The following UBE2R2 variants were observed in gnomAD, a reference collection of about 807,000 sequenced individuals.
UBE2R2 encodes ubiquitin-conjugating enzyme E2 R2.
Under a neutral mutation model 27.8 loss-of-function variants are expected in UBE2R2, and 1 was observed. The observed-to-expected ratio is 0.04, with a 90% confidence interval of 0.01 to 0.17. UBE2R2 has a LOEUF of 0.17. UBE2R2 is among the 10% of genes least tolerant of loss of function. UBE2R2 has a pLI of 1.00. For synonymous variants in UBE2R2, 106 were observed against 113.3 expected (o/e 0.94, Z 0.41); for missense variants, 100 against 291.0 (o/e 0.34, Z 4.78).
intron 1 of UBE2R2, among the ~76,000 whole-genome samples, chr9:33,880,834 C>G (rs1439090087): frequency 1.3e-5 from 2 of 152,100 alleles, no homozygotes; most frequent in Non-Finnish European, 2.9e-5. Flanking sequence ...TTGAGTGTTC[C>G]TTATGAGAAT....
At chr9:33,906,999 G>A (rs1272893126) in intron 3 of UBE2R2, among the ~76,000 whole-genome samples, 1 of 152,168 alleles carries the variant, frequency 6.6e-6, no homozygotes, top group Non-Finnish European at 1.5e-5. Context: ...CCACTGCACT[G>A]GAGCCTGGGG....
intron 1 of UBE2R2, among the ~76,000 whole-genome samples, chr9:33,848,758 C>T (rs528997645): frequency 6.6e-6 from 1 of 151,834 alleles, no homozygotes; most frequent in South Asian, 2.1e-4. Flanking sequence ...GTGCCTGCCA[C>T]CACGCCTGGC....
intron 1 of UBE2R2, among the ~76,000 whole-genome samples, chr9:33,863,388 T>C (rs1414308603): frequency 4.6e-5 from 7 of 151,412 alleles, no homozygotes; most frequent in South Asian, 4.2e-4. Context: ...GGTGCGTGCC[T>C]GTAATCCCAG....
intron 1 of UBE2R2, among the ~76,000 whole-genome samples, chr9:33,847,588 C>T (rs12380143): frequency 0.079 from 11,992 of 152,002 alleles, 679 homozygotes; most frequent in Non-Finnish European, 0.12. Context: ...TTAGAAAATT[C>T]ATAGCCATTA....
intron 4 of UBE2R2, among the ~76,000 whole-genome samples, chr9:33,915,053 T>C (rs1290642067): frequency 6.6e-6 from 1 of 150,722 alleles, no homozygotes; most frequent in Non-Finnish European, 1.5e-5. Context: ...TTGCTTGAGC[T>C]CTGGAGCCAG....
chr9:33,916,367 A>G (rs1822642531), intron 4 of UBE2R2, among the ~76,000 whole-genome samples: 1 of 152,142 alleles, frequency 6.6e-6, no homozygotes, highest in Admixed American at 6.5e-5. Context: ...GTCGTGCAAG[A>G]CACTGGAATC....
At chr9:33,896,699 T>C (rs1029027603) in intron 2 of UBE2R2, among the ~76,000 whole-genome samples, 1 of 151,828 alleles carries the variant, frequency 6.6e-6, no homozygotes, top group African/African-American at 2.4e-5. Context: ...CTGCCCGCCT[T>C]GGCCTTCCAA....
Position 33,917,180 on chromosome 9 carries a change from G to T in UBE2R2, c.660G>T (p.Glu220Asp). The change falls in exon 5 of 5, where the codon GAG becomes GAT. Residue 220 changes from glutamate (E) to aspartate (D), a missense_variant. Glu to Asp is a conservative substitution (Grantham distance 45). Transcript: ENST00000263228. The part of the protein sequence containing the change: ...LYDDDIDDED[E>D]EEEDADCYDD... ...ATGACGACATTGATGATGAAGATGA[G>T]GAGGAGGAAGATGCCGACTGTTATG... 3 of 1,613,994 alleles carry T rather than the reference G, an allele frequency of 1.9e-6. No individual in the cohort carries two copies. The highest frequency in any genetic ancestry group is 2.5e-6 in the Non-Finnish European group (3 of 1,179,890).
chr9:33,903,708 T>TG (rs1452213892), intron 3 of UBE2R2, among the ~76,000 whole-genome samples: 1 of 152,192 alleles, frequency 6.6e-6, no homozygotes, highest in African/African-American at 2.4e-5. Context: ...CATCTGAAAC[T>TG]GCCTTTGTTA....
intron 1 of UBE2R2, among the ~76,000 whole-genome samples, chr9:33,863,003 A>G (rs1048387183): frequency 3.9e-5 from 6 of 152,078 alleles, no homozygotes; most frequent in Non-Finnish European, 8.8e-5. Context: ...CCTGGCTAAC[A>G]TGGTGAAACC....
chr9:33,816,065 C>T (rs560392849), upstream of UBE2R2, among the ~76,000 whole-genome samples: 27 of 152,168 alleles, frequency 1.8e-4, no homozygotes, highest in Non-Finnish European at 3.2e-4. Context: ...CAGAGCAAGA[C>T]CCTGTCTCAA....
intron 1 of UBE2R2, among the ~76,000 whole-genome samples, chr9:33,832,315 A>AAAAAAG (rs1554671091): frequency 9.0e-5 from 13 of 145,024 alleles, no homozygotes; most frequent in African/African-American, 2.6e-4. Flanking sequence ...TCTCAAAAAA[A>AAAAAAG]AAAAGAAAAG....
At chr9:33,846,080 C>G (rs1465039137) in intron 1 of UBE2R2, among the ~76,000 whole-genome samples, 2 of 149,926 alleles carry the variant, frequency 1.3e-5, no homozygotes, top group Non-Finnish European at 3.0e-5. Flanking sequence ...GAGCCAAGAT[C>G]ACGCCACTGC....
intron 1 of UBE2R2, among the ~76,000 whole-genome samples, chr9:33,820,167 ATT>A (rs923487278): frequency 1.3e-5 from 2 of 152,248 alleles, no homozygotes; most frequent in Non-Finnish European, 2.9e-5. Flanking sequence ...AAGTTGTAAT[ATT>A]TGTGCATAAG....
intron 1 of UBE2R2, among the ~76,000 whole-genome samples, chr9:33,824,419 G>A (rs1207545750): frequency 4.6e-5 from 7 of 151,944 alleles, no homozygotes; most frequent in Admixed American, 1.3e-4. Flanking sequence ...GGCGGATCAC[G>A]AGGTCAGGAG....
chr9:33,847,667 CTA>C (rs1820875953), intron 1 of UBE2R2, among the ~76,000 whole-genome samples: 1 of 151,690 alleles, frequency 6.6e-6, no homozygotes, highest in Non-Finnish European at 1.5e-5. Flanking sequence ...GAATTTTTGA[CTA>C]TGTTCTGTGT....
At chr9:33,881,743 A>T (rs1821736172) in intron 1 of UBE2R2, among the ~76,000 whole-genome samples, 1 of 152,228 alleles carries the variant, frequency 6.6e-6, no homozygotes. Flanking sequence ...TTACTACATC[A>T]TATCAGGGAG....
In UBE2R2 at chr9:33,887,045, C is replaced by T. The variant is rs1266108270; in HGVS notation, c.264+78C>T. On this transcript the variant is annotated intron_variant, in intron 2 of 4. Transcript: ENST00000263228. ...TACTTTAAAATAGCCTATCTCAGCA[C>T]ACTTTGATACTTAGGCTTTTGTAGC... is the stretch of plus-strand genomic sequence containing the variant. 6 of 1,146,902 alleles carry T rather than the reference C, an allele frequency of 5.2e-6. No individual in the cohort carries two copies. The Admixed American group carries it at 1.3e-4, about 24-fold the overall frequency. The allele number at this position is 1,146,902 out of a possible 1,614,324, so 71.0% of individuals were successfully genotyped here. A position where few individuals can be genotyped will look rare whatever the true frequency, so the allele number is the denominator to read the frequency against.
chr9:33,824,326 C>T (rs2256212), intron 1 of UBE2R2, among the ~76,000 whole-genome samples: 148,232 of 151,510 alleles, frequency 0.98, 72,601 homozygotes, highest in East Asian at 1. Flanking sequence ...ACCCGGTCTC[C>T]ACTAAAAATA....
Sources: gnomAD v4.1 joint callset for allele counts (sites outside exome capture counted in the v4.1 genomes callset) on GRCh38, gnomAD v4.1.1 for gene constraint, MANE v1.5 for transcripts, NCBI Gene and HGNC (gene_info 2026-07-23, HGNC 2026-07-21) for gene names.